FMN2: variants seen among roughly 807,000 people sequenced by gnomAD.
FMN2 encodes the protein formin-2.
Under a neutral mutation model 142.3 loss-of-function variants are expected in FMN2, and 51 were observed. That is an observed-to-expected ratio of 0.36 (90% CI 0.29 to 0.45). The LOEUF (loss-of-function observed/expected upper bound fraction) is 0.45, where lower values mean the gene tolerates loss of function less well. FMN2 is among the 20% of genes least tolerant of loss of function. The pLI is 1.00. For synonymous variants in FMN2, 882 were observed against 869.8 expected (o/e 1.01, Z -0.25); for missense variants, 1,936 against 2,122.8 (o/e 0.91, Z 1.73).
intron 14 of FMN2, among the ~76,000 whole-genome samples, chr1:240,378,568 C>T (rs772239674): frequency 3.9e-5 from 6 of 152,120 alleles, no homozygotes; most frequent in South Asian, 2.1e-4. Context: ...CTCCATCTCT[C>T]GGTTTGTTCT....
At chr1:240,456,258 G>C (rs377213643) in intron 16 of FMN2, among the ~76,000 whole-genome samples, 2 of 152,000 alleles carry the variant, frequency 1.3e-5, no homozygotes, top group African/African-American at 4.8e-5. Context: ...ATATTTTTGT[G>C]GCAAATTTAT....
chr1:240,398,862 CT>C (rs146896225), intron 15 of FMN2, among the ~76,000 whole-genome samples: 4,975 of 152,170 alleles, frequency 0.033, 265 homozygotes, highest in African/African-American at 0.11. Flanking sequence ...ATGTTAATTG[CT>C]ATGTTATTTT....
chr1:240,279,587 A>G (rs1669329177), intron 7 of FMN2, among the ~76,000 whole-genome samples: 1 of 152,302 alleles, frequency 6.6e-6, no homozygotes, highest in South Asian at 2.1e-4. Context: ...TTAGAACTCA[A>G]AAATGTGAGT....
In FMN2 at chr1:240,450,598, C is replaced by T. The variant is rs1383703574; in HGVS notation, c.5060+12388C>T. Among the ~76,000 whole-genome samples, 5 of 152,212 alleles carry T rather than the reference C, an allele frequency of 3.3e-5. 1 individual carries two copies. Among genetic ancestry groups the T allele is most frequent in the African/African-American group, 1.2e-4 (5 of 41,458 alleles). Reference sequence around the variant, plus strand: ...CACCTCCGATTGATTATAGAGGTCGCTCCCTTCCTTTAGGGCCAGCAGTGA... The same window carrying T: ...CACCTCCGATTGATTATAGAGGTCGTTCCCTTCCTTTAGGGCCAGCAGTGA... On this transcript the variant is annotated intron_variant, in intron 16 of 17. Coordinates refer to ENST00000319653, the MANE Select transcript of FMN2 (RefSeq NM_020066.5).
intron 13 of FMN2, among the ~76,000 whole-genome samples, chr1:240,339,024 T>C (rs1397876676): frequency 6.6e-6 from 1 of 152,086 alleles, no homozygotes; most frequent in East Asian, 1.9e-4. Context: ...TATGAGAGTC[T>C]AATGCTGCAG....
intron 1 of FMN2, among the ~76,000 whole-genome samples, chr1:240,102,864 A>AT (rs112563396): frequency 0.011 from 1,533 of 138,474 alleles, 3 homozygotes; most frequent in Non-Finnish European, 0.014. Context: ...TGATCCTTTA[A>AT]TTTTTTTTTT....
At position 240,333,699 on chromosome 1, in the gene FMN2, G is replaced by A. The variant is rs139497808; in HGVS notation, c.4585-188G>A. On this transcript the variant is annotated intron_variant, in intron 11 of 17. Transcript: ENST00000319653. ...GCTGTGCTAAGATTGGAACACTGGG[G>A]AGAAAAATCTTTTAAGCCACCAAAC... 7.2e-5 allele frequency among the ~76,000 whole-genome samples: 11 copies of A among 152,188 alleles called. No individual in the cohort carries two copies. In the East Asian group the frequency reaches 2.1e-3, roughly 29 times the overall value.
chr1:240,381,092 T>C (rs1673210795), intron 14 of FMN2, among the ~76,000 whole-genome samples: 1 of 149,268 alleles, frequency 6.7e-6, no homozygotes, highest in Non-Finnish European at 1.5e-5. Flanking sequence ...ATACAAAGAG[T>C]TGGAACCAAG....
intron 8 of FMN2, among the ~76,000 whole-genome samples, chr1:240,319,474 C>G (rs10926213): frequency 0.38 from 58,268 of 151,896 alleles, 11,789 homozygotes; most frequent in African/African-American, 0.52. Flanking sequence ...AAGGAATGCT[C>G]TTAAACAAAA....
chr1:240,296,212 T>A (rs1002981281), intron 8 of FMN2, among the ~76,000 whole-genome samples: 5 of 95,614 alleles, frequency 5.2e-5, no homozygotes, highest in African/African-American at 7.4e-5. Context: ...TTTTTTTTTT[T>A]AACAAAGGTG....
chr1:240,123,300 G>T lies in FMN2; in HGVS notation c.1737G>T (p.Arg579Ser), dbSNP rs1662359002. 6.2e-7 allele frequency: 1 copy of T among 1,613,914 alleles called. No homozygotes were observed. The highest frequency in any genetic ancestry group is 8.5e-7 in the Non-Finnish European group (1 of 1,180,018). The change falls in exon 2 of 18, where the codon AGG becomes AGT. Residue 579 changes from arginine to serine, a missense_variant. Coordinates refer to ENST00000319653, the MANE Select transcript of FMN2 (RefSeq NM_020066.5). The part of the protein sequence containing the change: ...GLLLPFSDCF[R>S]EPCNQNAQTN... ...TCCTTCCTTTTAGTGATTGCTTCAG[G>T]GAACCGTGTAATCAGAATGCCCAGA...
intron 16 of FMN2, chr1:240,457,667 G>A (rs998509698): frequency 5.9e-5 from 9 of 152,234 alleles, no homozygotes; most frequent in African/African-American, 1.9e-4. Flanking sequence ...TCGGAGATGA[G>A]GGAATAAGCT....
chr1:240,119,591 CA>C (rs1402173970), intron 1 of FMN2, among the ~76,000 whole-genome samples: 2 of 152,192 alleles, frequency 1.3e-5, no homozygotes, highest in Non-Finnish European at 2.9e-5. Context: ...CTGCTAAAAG[CA>C]CAGGATAATT....
intron 1 of FMN2, among the ~76,000 whole-genome samples, chr1:240,120,679 G>C (rs560915805): frequency 2.0e-5 from 3 of 152,078 alleles, no homozygotes; most frequent in East Asian, 1.9e-4. Flanking sequence ...AACTATGAAG[G>C]GTTCCAAAAG....
intron 6 of FMN2, among the ~76,000 whole-genome samples, chr1:240,221,850 T>TG: frequency 6.0e-5 from 1 of 16,768 alleles, no homozygotes; most frequent in South Asian, 1.9e-3. Context: ...TTCTAGGGAC[T>TG]TTTTTTTTTT....
intron 2 of FMN2, among the ~76,000 whole-genome samples, chr1:240,145,663 C>T (rs527750626): frequency 6.7e-6 from 1 of 150,230 alleles, no homozygotes; most frequent in South Asian, 2.1e-4. Flanking sequence ...GCACGTACCA[C>T]CACACTCTGC....
chr1:240,237,940 T>G (rs1190418227), intron 6 of FMN2, among the ~76,000 whole-genome samples: 3 of 152,216 alleles, frequency 2.0e-5, no homozygotes, highest in African/African-American at 4.8e-5. Flanking sequence ...AAAATTGCTT[T>G]TATTTGACTT....
chr1:240,111,591 T>A (rs897824104), intron 1 of FMN2, among the ~76,000 whole-genome samples: 2 of 152,218 alleles, frequency 1.3e-5, no homozygotes, highest in African/African-American at 4.8e-5. Context: ...GTCACTCTGG[T>A]CACCGTCTTG....
intron 6 of FMN2, among the ~76,000 whole-genome samples, chr1:240,236,115 G>A (rs1246387643): frequency 6.6e-6 from 1 of 152,164 alleles, no homozygotes; most frequent in African/African-American, 2.4e-5. Context: ...CTCCATGCAT[G>A]ATCTGCGGTG....
Sources: allele counts gnomAD v4.1 joint callset (sites outside exome capture counted in the v4.1 genomes callset), GRCh38; gene constraint gnomAD v4.1.1; transcripts MANE v1.5; gene names NCBI Gene and HGNC (gene_info 2026-07-23, HGNC 2026-07-21).